SPMIP2: variants seen among roughly 807,000 people sequenced by gnomAD.
The protein encoded by SPMIP2 is protein SPMIP2.
chr4:158,981,857 T>C, the SPMIP2 span, among the ~76,000 whole-genome samples: 1 of 120,692 alleles, frequency 8.3e-6, no homozygotes, highest in African/African-American at 3.1e-5. Flanking sequence ...AGAGACAGGA[T>C]CAAATTCACA....
the SPMIP2 span, among the ~76,000 whole-genome samples, chr4:159,062,697 G>GTCTCTCTCTC: frequency 3.6e-4 from 34 of 95,142 alleles, 3 homozygotes; most frequent in South Asian, 3.2e-3. Flanking sequence ...TTGAAACAGG[G>GTCTCTCTCTC]TCTCTCTCTC....
At chr4:158,935,647 A>G in the SPMIP2 span, among the ~76,000 whole-genome samples, 2 of 152,258 alleles carry the variant, frequency 1.3e-5, no homozygotes, top group Non-Finnish European at 2.9e-5. Flanking sequence ...CTGATTTTAA[A>G]TAACAAAACA....
At chr4:158,979,797 T>TG in the SPMIP2 span, among the ~76,000 whole-genome samples, 2 of 145,628 alleles carry the variant, frequency 1.4e-5, no homozygotes, top group African/African-American at 2.6e-5. Context: ...GAGTTTTTTT[T>TG]TTTTTTTTTT....
the SPMIP2 span, among the ~76,000 whole-genome samples, chr4:159,080,420 A>G: frequency 6.6e-6 from 1 of 152,080 alleles, no homozygotes; most frequent in Non-Finnish European, 1.5e-5. Context: ...GGGTCTCCCT[A>G]TGCTGCCCAG....
chr4:158,894,480 T>C, the SPMIP2 span, among the ~76,000 whole-genome samples: 1 of 152,124 alleles, frequency 6.6e-6, no homozygotes, highest in East Asian at 1.9e-4. Flanking sequence ...CTAAAAGTTG[T>C]CTAAATGCTT....
the SPMIP2 span, among the ~76,000 whole-genome samples, chr4:159,017,234 G>T: frequency 6.6e-6 from 1 of 152,122 alleles, no homozygotes; most frequent in Non-Finnish European, 1.5e-5. Context: ...TTTGTGCTGA[G>T]ATTATTATTG....
chr4:158,918,030 G>A, the SPMIP2 span, among the ~76,000 whole-genome samples: 7 of 152,010 alleles, frequency 4.6e-5, no homozygotes, highest in Non-Finnish European at 1.0e-4. Context: ...GACTTCTTTT[G>A]TAGAAACTAT....
chr4:159,007,711 A>T, the SPMIP2 span: 1 of 681,616 alleles, frequency 1.5e-6, no homozygotes, highest in East Asian at 4.3e-5. Flanking sequence ...GAGGCAGCCT[A>T]TGGGGAGCTC....
the SPMIP2 span, among the ~76,000 whole-genome samples, chr4:158,975,644 T>C: frequency 6.6e-6 from 1 of 152,344 alleles, no homozygotes; most frequent in Non-Finnish European, 1.5e-5. Context: ...CTCTGTTCTG[T>C]ACCATTGGTC....
At chr4:158,956,126 G>A in the SPMIP2 span, among the ~76,000 whole-genome samples, 1 of 152,190 alleles carries the variant, frequency 6.6e-6, no homozygotes, top group Admixed American at 6.5e-5. Context: ...TGACCTCTAA[G>A]GCTCCTTTTC....
At chr4:159,017,188 A>G in the SPMIP2 span, among the ~76,000 whole-genome samples, 19 of 152,214 alleles carry the variant, frequency 1.2e-4, 1 homozygote, top group East Asian at 3.1e-3. Flanking sequence ...GTGAGCAAAA[A>G]CAGTGTACAA....
chr4:158,929,975 A>G, the SPMIP2 span, among the ~76,000 whole-genome samples: 1 of 152,190 alleles, frequency 6.6e-6, no homozygotes, highest in African/African-American at 2.4e-5. Context: ...TCTGCTAGTG[A>G]AAAAAATTCT....
chr4:159,077,925 C>G, the SPMIP2 span, among the ~76,000 whole-genome samples: 1 of 152,054 alleles, frequency 6.6e-6, no homozygotes, highest in Non-Finnish European at 1.5e-5. Context: ...ACAGGTGGCA[C>G]TTTCATTTTC....
the SPMIP2 span, among the ~76,000 whole-genome samples, chr4:159,061,939 G>A: frequency 2.6e-5 from 4 of 152,164 alleles, no homozygotes; most frequent in Admixed American, 2.0e-4. Flanking sequence ...GAGTGATAGC[G>A]TGAGCACCAG....
At chr4:159,028,559 G>T in the SPMIP2 span, among the ~76,000 whole-genome samples, 1 of 152,056 alleles carries the variant, frequency 6.6e-6, no homozygotes. Flanking sequence ...TCAAACTCCT[G>T]GGCTCAAGCA....
chr4:159,022,164 A>G, the SPMIP2 span, among the ~76,000 whole-genome samples: 1 of 152,180 alleles, frequency 6.6e-6, no homozygotes, highest in Non-Finnish European at 1.5e-5. Flanking sequence ...ATTTCCTTGC[A>G]ATGAACACAG....
At chr4:158,947,243 T>C in the SPMIP2 span, among the ~76,000 whole-genome samples, 1 of 152,176 alleles carries the variant, frequency 6.6e-6, no homozygotes. Context: ...TCCAGATTTA[T>C]GGATGTTTTG....
At chr4:159,058,186 C>CTT in the SPMIP2 span, among the ~76,000 whole-genome samples, 55,372 of 141,104 alleles carry the variant, frequency 0.39, 11,016 homozygotes, top group East Asian at 0.61. Context: ...ATTTGCTGGG[C>CTT]TTTTTTTTTT....
At chr4:159,014,408 G>A in the SPMIP2 span, among the ~76,000 whole-genome samples, 1 of 152,066 alleles carries the variant, frequency 6.6e-6, no homozygotes, top group Non-Finnish European at 1.5e-5. Context: ...AGCTGAGGTC[G>A]CACCACCGCA....
Sources: gnomAD v4.1 joint callset for allele counts (sites outside exome capture counted in the v4.1 genomes callset) on GRCh38, gnomAD v4.1.1 for gene constraint, MANE v1.5 for transcripts, NCBI Gene and HGNC (gene_info 2026-07-23, HGNC 2026-07-21) for gene names.